The following GRID2 variants were observed in gnomAD, a reference collection of about 807,000 sequenced individuals.
GRID2 encodes the protein glutamate ionotropic receptor delta type subunit 2, also known as glutamate receptor ionotropic, delta-2.
Under a neutral mutation model 114.8 loss-of-function variants are expected in GRID2, and 33 were observed. The ratio of observed to expected loss-of-function variants is 0.29; its 90% CI spans 0.22 to 0.38. GRID2 has a LOEUF of 0.38. GRID2 is among the 10% of genes least tolerant of loss of function. GRID2 has a pLI of 1.00. For missense variants in GRID2, 1,184 were observed against 1,257.7 expected (o/e 0.94, Z 0.89); for synonymous variants, 505 against 449.9 (o/e 1.12, Z -1.55).
At chr4:92,907,952 G>A (rs531925543) in intron 2 of GRID2, among the ~76,000 whole-genome samples, 1 of 152,056 alleles carries the variant, frequency 6.6e-6, no homozygotes, top group Non-Finnish European at 1.5e-5. Context: ...GAATCCGGGA[G>A]GCAGAGGTTG....
In GRID2 at chr4:93,044,473, T is replaced by C. The variant is rs571765250; in HGVS notation, c.245-40522T>C. The stretch of plus-strand genomic sequence containing the variant: ...TTCAAATATAGGAAAGAAGAAATCT[T>C]TTTTAAAGAATGTAGAATAAGCATT... On this transcript the variant is annotated intron_variant, in intron 2 of 15. Transcript: ENST00000282020. 9.9e-5 allele frequency among the ~76,000 whole-genome samples: 15 copies of C among 152,254 alleles called. No individual in the cohort carries two copies. In the South Asian group the frequency reaches 3.1e-3, roughly 32 times the overall value.
chr4:92,407,746 G>T (rs955536948), intron 1 of GRID2, among the ~76,000 whole-genome samples: 1 of 152,040 alleles, frequency 6.6e-6, no homozygotes, highest in Non-Finnish European at 1.5e-5. Flanking sequence ...AGAAGTGTTT[G>T]TTCAGGTACT....
chr4:93,729,079 C>G (rs1730229849), intron 14 of GRID2, among the ~76,000 whole-genome samples: 3 of 152,134 alleles, frequency 2.0e-5, no homozygotes, highest in South Asian at 2.1e-4. Context: ...TTCTTCCAGG[C>G]CTGAGATGAG....
intron 11 of GRID2, among the ~76,000 whole-genome samples, chr4:93,480,623 C>T (rs1725757745): frequency 6.6e-6 from 1 of 152,070 alleles, no homozygotes. Context: ...CCATGACTCA[C>T]TGTGGTAATT....
At chr4:92,989,386 A>G (rs1345562131) in intron 2 of GRID2, among the ~76,000 whole-genome samples, 1 of 151,520 alleles carries the variant, frequency 6.6e-6, no homozygotes, top group Admixed American at 6.6e-5. Flanking sequence ...ATATGTATGT[A>G]TATGTAAACA....
chr4:93,109,122 G>C (rs920357780), intron 3 of GRID2, among the ~76,000 whole-genome samples: 1 of 152,214 alleles, frequency 6.6e-6, no homozygotes, highest in East Asian at 1.9e-4. Context: ...TTAATTCATG[G>C]TTCAGAGTCT....
chr4:93,380,167 A>G (rs1202334163), intron 8 of GRID2, among the ~76,000 whole-genome samples: 8 of 152,122 alleles, frequency 5.3e-5, no homozygotes, highest in Non-Finnish European at 1.2e-4. Context: ...GTGGGCTCCA[A>G]ATCTAATGGC....
chr4:93,608,730 G>C (rs1444654710), intron 13 of GRID2, among the ~76,000 whole-genome samples: 1 of 136,218 alleles, frequency 7.3e-6, no homozygotes, highest in Non-Finnish European at 1.6e-5. Context: ...ATTTGGGTTG[G>C]TTCCAAGTCT....
intron 8 of GRID2, among the ~76,000 whole-genome samples, chr4:93,305,707 G>A (rs1755346710): frequency 6.6e-6 from 1 of 152,146 alleles, no homozygotes; most frequent in Admixed American, 6.6e-5. Context: ...GTAAAGGCTG[G>A]TTAAACCAAG....
intron 2 of GRID2, among the ~76,000 whole-genome samples, chr4:92,745,929 C>T (rs142663412): frequency 1.1e-4 from 17 of 152,224 alleles, no homozygotes; most frequent in East Asian, 3.9e-4. Flanking sequence ...TGAAAATCAT[C>T]GGGTTTCTTT....
intron 1 of GRID2, among the ~76,000 whole-genome samples, chr4:92,571,747 C>A (rs1187571461): frequency 2.6e-5 from 4 of 152,126 alleles, no homozygotes; most frequent in Admixed American, 2.6e-4. Flanking sequence ...AACCACTCAA[C>A]TACATGGAAA....
intron 6 of GRID2, among the ~76,000 whole-genome samples, chr4:93,224,140 G>A (rs904127480): frequency 6.6e-6 from 1 of 152,144 alleles, no homozygotes; most frequent in South Asian, 2.1e-4. Flanking sequence ...ACACACAGTA[G>A]ACTACTTCTT....
At chr4:93,357,628 T>C (rs1262376874) in intron 8 of GRID2, among the ~76,000 whole-genome samples, 2 of 151,582 alleles carry the variant, frequency 1.3e-5, no homozygotes, top group South Asian at 2.1e-4. Flanking sequence ...TAGTTTATAT[T>C]AAAATTTATA....
chr4:92,771,616 TTGATTA>T lies in GRID2; in HGVS notation c.244+181332_244+181337del, dbSNP rs200364163. On this transcript the variant is annotated intron_variant, in intron 2 of 15. Transcript: ENST00000282020. The stretch of plus-strand genomic sequence containing the variant: ...GTTGTTTGTCTACATAATTCTTCCT[TTGATTA>T]TAAGTTTTATGCAACTTTATTGGAA... Among the ~76,000 whole-genome samples the T allele has an allele frequency of 9.7e-3, 1,484 of 152,332 alleles. 27 individuals carry two copies. Among genetic ancestry groups the T allele is most frequent in the African/African-American group, 0.034 (1,401 of 41,574 alleles).
At chr4:92,496,884 T>C (rs1723413445) in intron 1 of GRID2, among the ~76,000 whole-genome samples, 1 of 151,680 alleles carries the variant, frequency 6.6e-6, no homozygotes, top group South Asian at 2.1e-4. Context: ...AAAAAATTAC[T>C]TAATTTATAC....
At chr4:93,324,894 G>A (rs999315199) in intron 8 of GRID2, among the ~76,000 whole-genome samples, 66 of 150,024 alleles carry the variant, frequency 4.4e-4, no homozygotes, top group African/African-American at 1.5e-3. Flanking sequence ...CCCCTTTATC[G>A]TTTTTTATTG....
chr4:92,414,072 A>G (rs1731470894), intron 1 of GRID2, among the ~76,000 whole-genome samples: 1 of 152,182 alleles, frequency 6.6e-6, no homozygotes, highest in African/African-American at 2.4e-5. Flanking sequence ...CTTTGCACTG[A>G]CAATGGTGAT....
At chr4:93,419,477 T>C (rs1768053558) in intron 9 of GRID2, among the ~76,000 whole-genome samples, 1 of 152,044 alleles carries the variant, frequency 6.6e-6, no homozygotes. Flanking sequence ...TCCAATATAT[T>C]GGCTGGTTGT....
intron 14 of GRID2, among the ~76,000 whole-genome samples, chr4:93,764,268 A>C (rs970379641): frequency 6.6e-6 from 1 of 152,082 alleles, no homozygotes; most frequent in African/African-American, 2.4e-5. Context: ...AATCAGTGCA[A>C]TTTTCAAATT....
Sources: gnomAD v4.1 joint callset for allele counts (sites outside exome capture counted in the v4.1 genomes callset) on GRCh38, gnomAD v4.1.1 for gene constraint, MANE v1.5 for transcripts, NCBI Gene and HGNC (gene_info 2026-07-23, HGNC 2026-07-21) for gene names.